The following GCN1 variants were observed in gnomAD, a reference collection of about 807,000 sequenced individuals.
GCN1 encodes stalled ribosome sensor GCN1.
In GCN1, 90 loss-of-function variants were observed where a neutral mutation model predicts 288.4. The ratio of observed to expected loss-of-function variants is 0.31; its 90% CI spans 0.26 to 0.37. The LOEUF is 0.37. Ranked by LOEUF, GCN1 falls within the 10% of genes least tolerant of loss-of-function variation. The pLI is 1.00. For missense variants in GCN1, 2,586 were observed against 3,419.9 expected, an observed-to-expected ratio of 0.76 and a Z score of 6.08; for synonymous variants, 1,386 against 1,420.2, an observed-to-expected ratio of 0.98 and a Z score of 0.54.
At chr12:120,174,309 T>G in intron 12 of GCN1, 140 bp from the exon 13 acceptor site, 1 of 619,614 alleles carries the variant, frequency 1.6e-6, no homozygotes, top group South Asian at 1.7e-5. Flanking sequence ...TGGCCATTAT[T>G]GATCTTCCTT....
Position 120,129,313 on chromosome 12 carries a change from T to C in GCN1, c.7853A>G (p.Asn2618Ser), listed in dbSNP as rs375253959. 16 of 1,613,924 alleles carry C rather than the reference T, an allele frequency of 9.9e-6. No homozygotes were observed. Among genetic ancestry groups the C allele is most frequent in the South Asian group, 5.5e-5 (5 of 91,074 alleles). ...TTCACCCTGCCGCATCTTGAGGAGG[T>C]TGACAATTGCCTGGTCGCTGTAGGC... The part of the protein sequence containing the change: ...VRAYSDQAIV[N>S]LLKMRQGEEV... The change falls in exon 57 of 58, where the codon AAC becomes AGC. Residue 2618 changes from asparagine (N) to serine (S), a missense_variant. By Grantham distance (46) the Asn-to-Ser change is conservative. Coordinates refer to ENST00000300648, the MANE Select transcript of GCN1 (RefSeq NM_006836.2).
chr12:120,151,072 G>C, intron 34 of GCN1, 73 bp downstream of exon 34: 2 of 1,552,472 alleles, frequency 1.3e-6, no homozygotes, highest in South Asian at 1.2e-5. Flanking sequence ...GGGCGCCACG[G>C]TCAGATTCCT....
rs1461516340 is a variant in GCN1, at chr12:120,153,268, T to C, written c.4007A>G (p.Lys1336Arg). Reference sequence around the variant, plus strand: ...GAGCTTGGCAACAATGGGCTTCACTTTGGGGTCACTCTTGTCCAGGTGCTT... The same window carrying C: ...GAGCTTGGCAACAATGGGCTTCACTCTGGGGTCACTCTTGTCCAGGTGCTT... ...LAKHLDKSDP[K>R]VKPIVAKLIA... The change falls in exon 33 of 58, where the codon AAA becomes AGA. Residue 1336 changes from lysine to arginine, a missense_variant. By Grantham distance (26) the Lys-to-Arg change is conservative. Around this residue, in one of 8 missense-constraint regions of GCN1, gnomAD observed 332 missense variants for 403.0 expected, o/e 0.82. Coordinates refer to ENST00000300648, the MANE Select transcript of GCN1 (RefSeq NM_006836.2). The surrounding 1 kb of genome is among the most constrained non-coding windows in gnomAD (Gnocchi z 4.4). The C allele has an allele frequency of 6.2e-7, 1 of 1,614,170 alleles. No homozygotes were observed. The highest frequency in any genetic ancestry group is 8.5e-7 in the Non-Finnish European group (1 of 1,180,026).
chr12:120,128,084 G>A, intron 57 of GCN1, 110 bp from the exon 58 acceptor site: 2 of 1,102,774 alleles, frequency 1.8e-6, no homozygotes, highest in South Asian at 1.4e-5. Flanking sequence ...GAGACACTGA[G>A]GTGGACTCTG....
At chr12:120,173,949 C>A (rs1001671447) in intron 13 of GCN1, 122 bp downstream of exon 13, 2 of 1,045,462 alleles carry the variant, frequency 1.9e-6, no homozygotes, top group African/African-American at 1.6e-5. Context: ...CAGACAGCTA[C>A]GAGCCTTGCT....
rs1292999540 is a variant in GCN1 at position 120,137,887 on chromosome 12, G to A, written c.6393+14C>T. ...GACGGGACATGAGAAAGCAGGAGCA[G>A]GCTCGCCCCTTACCAGCTGCTCATC... is the stretch of plus-strand genomic sequence containing the variant. On this transcript the variant is annotated intron_variant, in intron 48 of 57. Transcript: ENST00000300648. The surrounding 1 kb of genome is among the most constrained non-coding windows in gnomAD (Gnocchi z 5.2). 6.2e-7 allele frequency: 1 copy of A among 1,613,992 alleles called. No homozygotes were observed. The highest frequency in any genetic ancestry group is 1.7e-5 in the Admixed American group (1 of 60,022).
chr12:120,188,289 C>T (rs769439206), intron 2 of GCN1, among the ~76,000 whole-genome samples: 24 of 152,150 alleles, frequency 1.6e-4, no homozygotes, highest in African/African-American at 5.5e-4. Context: ...CAAATATTAG[C>T]TGGGCGTGGT....
chr12:120,174,201 T>C (rs543601823), intron 12 of GCN1, 32 bp from the exon 13 acceptor site: 3 of 1,245,420 alleles, frequency 2.4e-6, no homozygotes, highest in Non-Finnish European at 3.6e-6. Context: ...CAGTCTCTTA[T>C]CAGCACAGAA....
Position 120,161,546 on chromosome 12 carries a change from G to A in GCN1, c.2380C>T (p.Arg794Ter), listed in dbSNP as rs1877927013. 1.2e-6 allele frequency: 2 copies of A among 1,613,854 alleles called. No individual in the cohort carries two copies. The highest frequency in any genetic ancestry group is 1.7e-6 in the Non-Finnish European group (2 of 1,179,798). The change falls in exon 22 of 58, where the codon CGA becomes TGA. Residue 794 changes from arginine to a stop codon, truncating the protein, a stop_gained. Transcript: ENST00000300648. LOFTEE classifies it high-confidence loss of function. ...QDSIKKANMK[R>*]ENKAYSFKEQ... is the part of the protein sequence containing the mutation. Reference sequence around the variant, plus strand: ...TTGAAGGAATAAGCTTTGTTCTCTCGCTTCATGTTGGCCTTTTTTATGCTG... The same window carrying A: ...TTGAAGGAATAAGCTTTGTTCTCTCACTTCATGTTGGCCTTTTTTATGCTG...
At chr12:120,149,493 C>G in intron 36 of GCN1, 113 bp downstream of exon 36, 1 of 745,724 alleles carries the variant, frequency 1.3e-6, no homozygotes, top group Non-Finnish European at 2.4e-6. Flanking sequence ...AGTCTTAACC[C>G]TATCCCTGGT....
chr12:120,134,392 GC>G lies in GCN1; in HGVS notation c.7215del (p.Gln2406ArgfsTer3). ...MEDPGVRDTM[L>X]QALRFVIQGA... Reference sequence around the variant, plus strand: ...CCCTGAATCACAAACCTCAGGGCCTGCAGCATGGTGTCCCTGCAGAAGCAAT... The same window carrying G: ...CCCTGAATCACAAACCTCAGGGCCTGAGCATGGTGTCCCTGCAGAAGCAAT... On this transcript the variant is annotated frameshift_variant, in exon 53 of 58. Coordinates refer to ENST00000300648, the MANE Select transcript of GCN1 (RefSeq NM_006836.2). LOFTEE classifies it high-confidence loss of function. This position sits in a 1 kb window ranked among gnomAD's most constrained non-coding sequence, Gnocchi z 5.0. 6.2e-7 allele frequency: 1 copy of G among 1,612,994 alleles called. No individual in the cohort carries two copies. Among genetic ancestry groups the G allele is most frequent in the Non-Finnish European group, 8.5e-7 (1 of 1,179,006 alleles).
At chr12:120,174,550 T>C (rs1407264099) in intron 12 of GCN1, among the ~76,000 whole-genome samples, 1 of 152,110 alleles carries the variant, frequency 6.6e-6, no homozygotes, top group Non-Finnish European at 1.5e-5. Flanking sequence ...CCCAGCACTT[T>C]GGGAGGCTGA....
At chr12:120,140,599 C>T (rs1877156809) in intron 45 of GCN1, among the ~76,000 whole-genome samples, 5 of 152,174 alleles carry the variant, frequency 3.3e-5, no homozygotes, top group Non-Finnish European at 1.5e-5. Flanking sequence ...TGTAAGAGAG[C>T]GATCATCTCC....
At position 120,172,533 on chromosome 12, in the gene GCN1, A is replaced by G. The variant is rs568856106; in HGVS notation, c.1366+1120T>C. On this transcript the variant is annotated intron_variant, in intron 14 of 57. Transcript: ENST00000300648. ...GATGTTTCTTTTTCTTTTTTGAGACAGAGTATCACTCTGTCACCCAGGCAG... is the reference window on the plus strand; with the variant it reads ...GATGTTTCTTTTTCTTTTTTGAGACGGAGTATCACTCTGTCACCCAGGCAG... Among the ~76,000 whole-genome samples the G allele has an allele frequency of 7.2e-5, 11 of 152,206 alleles. No individual in the cohort carries two copies. In the South Asian group the frequency reaches 2.3e-3, roughly 32 times the overall value.
Position 120,168,311 on chromosome 12 carries a change from C to G in GCN1, c.1520-11G>C. On this transcript the variant is annotated splice_polypyrimidine_tract_variant and intron_variant, in intron 15 of 57. Transcript: ENST00000300648. ...TGCTCAGTTTGGCCTCTGCAAGAAA[C>G]AAAAGGTTACCCCACGACGCAGCTC... 1 of 1,505,278 alleles carries G rather than the reference C, an allele frequency of 6.6e-7. No homozygotes were observed. Among genetic ancestry groups the G allele is most frequent in the Admixed American group, 1.7e-5 (1 of 59,894 alleles). The allele number at this position is 1,505,278 out of a possible 1,614,324, so 93.2% of individuals were successfully genotyped here.
chr12:120,138,153 G>C (rs1302972386), intron 47 of GCN1, 109 bp from the exon 48 acceptor site: 8 of 1,062,948 alleles, frequency 7.5e-6, no homozygotes, highest in Non-Finnish European at 1.1e-5. Context: ...TCAGAGCCAA[G>C]CATCTACTCC....
chr12:120,176,133 G>A lies in GCN1; in HGVS notation c.913+10C>T. 6.3e-7 allele frequency: 1 copy of A among 1,589,046 alleles called. No individual in the cohort carries two copies. Among genetic ancestry groups the A allele is most frequent in the South Asian group, 1.1e-5 (1 of 90,578 alleles). On this transcript the variant is annotated intron_variant, in intron 10 of 57. Transcript: ENST00000300648. ...ACACTTATGGGCTGGAGAGGGGCTG[G>A]GATACTCACCAGCCAGTCCTTTCAC... is the stretch of plus-strand genomic sequence containing the variant.
Position 120,161,926 on chromosome 12 carries a change from T to G in GCN1, c.2296A>C (p.Met766Leu). 2 of 1,614,194 alleles carry G rather than the reference T, an allele frequency of 1.2e-6. No individual in the cohort carries two copies. Among genetic ancestry groups the G allele is most frequent in the Non-Finnish European group, 1.7e-6 (2 of 1,180,036 alleles). Residue 766 changes from methionine to leucine, a missense_variant, in exon 21 of 58, where the codon ATG becomes CTG. Physicochemically the swap from Met to Leu is conservative, Grantham distance 15 (BLOSUM62 2). Coordinates refer to ENST00000300648, the MANE Select transcript of GCN1 (RefSeq NM_006836.2). The stretch of plus-strand genomic sequence containing the variant: ...TACAGCTCCCCAGCAGGGGTCTGCA[T>G]AATGGCAAACTCCTCCCGCGTCACC... The part of the protein sequence containing the change: ...RLVTREEFAI[M>L]QTPAGELYDK...
In GCN1 at chr12:120,178,745, C is replaced by T. The variant is rs1381717182; in HGVS notation, c.540G>A (p.Val180=). The change falls in exon 7 of 58, where the codon GTG becomes GTA. Residue 180 remains valine (V), a synonymous_variant. Coordinates refer to ENST00000300648, the MANE Select transcript of GCN1 (RefSeq NM_006836.2). The part of the protein sequence containing the change: ...TKLWKENPGL[V]EQYLSAILSL... ...TGAGAATGGCTGACAAGTACTGTTCCACCAGCCCGGGGTTCTGAAGAGGAA... is the reference window on the plus strand; with the variant it reads ...TGAGAATGGCTGACAAGTACTGTTCTACCAGCCCGGGGTTCTGAAGAGGAA... The T allele has an allele frequency of 5.0e-6, 8 of 1,614,240 alleles. No individual in the cohort carries two copies. Among genetic ancestry groups the T allele is most frequent in the Non-Finnish European group, 6.8e-6 (8 of 1,180,024 alleles).
Sources: gnomAD v4.1 joint callset for allele counts (sites outside exome capture counted in the v4.1 genomes callset) on GRCh38, gnomAD v4.1.1 for gene constraint, gnomAD v4.1.1 regional missense constraint, Gnocchi (gnomAD v3.1) non-coding constraint, MANE v1.5 for transcripts, NCBI Gene and HGNC (gene_info 2026-07-23, HGNC 2026-07-21) for gene names.